The following CCDC197 variants were observed in gnomAD, a reference collection of about 807,000 sequenced individuals.
The protein encoded by CCDC197 is coiled-coil domain containing 197.
Under a neutral mutation model 13.4 loss-of-function variants are expected in CCDC197, and 24 were observed. The ratio of observed to expected loss-of-function variants is 1.80; its 90% CI spans 1.30 to 2.53. The LOEUF (loss-of-function observed/expected upper bound fraction) is 2.53. CCDC197 is among the 30% of genes most tolerant of loss of function. CCDC197 has a pLI of 0.00. For synonymous variants in CCDC197, 99 were observed against 55.5 expected (o/e 1.78, Z -3.48); for missense variants, 255 against 148.8 (o/e 1.71, Z -3.71).
chr14:93,994,256 T>G (rs921459104), upstream of CCDC197, among the ~76,000 whole-genome samples: 1 of 152,232 alleles, frequency 6.6e-6, no homozygotes, highest in Admixed American at 6.5e-5. Context: ...TTCTTAATAA[T>G]TTTTGTGCAA....
intron 1 of CCDC197, among the ~76,000 whole-genome samples, chr14:93,988,858 G>A (rs942924678): frequency 7.0e-6 from 1 of 143,352 alleles, no homozygotes; most frequent in African/African-American, 2.6e-5. Context: ...GATGGGAGGA[G>A]GGGATGGAAG....
Position 93,999,193 on chromosome 14 carries a change from G to A in CCDC197, c.105-390G>A, listed in dbSNP as rs549004012. On this transcript the variant is annotated intron_variant, in intron 2 of 6. Transcript: ENST00000636493. ...CATCCCTGCTGTAGATGGGCAACCC[G>A]GGCACAGAGAGGTGAAGCAGCTGGC... is the stretch of plus-strand genomic sequence containing the variant. The A allele has an allele frequency of 4.8e-4, 89 of 184,490 alleles. 1 individual carries two copies. In the Admixed American group the frequency reaches 5.1e-3, roughly 11 times the overall value. 11.4% of individuals were successfully genotyped at this position (184,490 alleles called of 1,614,324 possible). A position where few individuals can be genotyped will look rare whatever the true frequency, so the allele number is the denominator to read the frequency against.
At chr14:93,990,648 T>C (rs1021483578) in intron 1 of CCDC197, among the ~76,000 whole-genome samples, 3 of 152,134 alleles carry the variant, frequency 2.0e-5, no homozygotes, top group Admixed American at 2.0e-4. Context: ...TAGTGGACTG[T>C]GAGGGGGCAG....
chr14:93,987,518 G>C (rs770821890), intron 1 of CCDC197: 1 of 152,742 alleles, frequency 6.5e-6, no homozygotes, highest in Non-Finnish European at 1.5e-5. Context: ...CTGTCCATCT[G>C]TGTCTGGCCT....
intron 1 of CCDC197, among the ~76,000 whole-genome samples, chr14:93,988,904 G>C (rs974176072): frequency 1.3e-5 from 2 of 148,426 alleles, no homozygotes; most frequent in African/African-American, 5.0e-5. Flanking sequence ...GACGGGATGG[G>C]AGCAGGGATT....
At position 93,990,160 on chromosome 14, in the gene CCDC197, T is replaced by C. The variant is rs116550156; in HGVS notation, c.-107+2764T>C. Among the ~76,000 whole-genome samples the C allele has an allele frequency of 5.0e-3, 766 of 152,290 alleles. 5 individuals carry two copies. Among genetic ancestry groups the C allele is most frequent in the African/African-American group, 0.017 (719 of 41,538 alleles). Reference sequence around the variant, plus strand: ...ATCTTCCTAGTTCAAGGTCAATTGATTGGTAAACAACATCTGCAAAATCCC... The same window carrying C: ...ATCTTCCTAGTTCAAGGTCAATTGACTGGTAAACAACATCTGCAAAATCCC... On this transcript the variant is annotated intron_variant, in intron 1 of 7. Transcript: ENST00000640978.
At chr14:93,992,161 G>A in intron 1 of CCDC197, among the ~76,000 whole-genome samples, 1 of 152,204 alleles carries the variant, frequency 6.6e-6, no homozygotes, top group East Asian at 1.9e-4. Context: ...TTTTGGCAGG[G>A]AAATGCGGAG....
At chr14:93,988,001 T>A (rs1462424094) in intron 1 of CCDC197, among the ~76,000 whole-genome samples, 2 of 79,778 alleles carry the variant, frequency 2.5e-5, no homozygotes, top group African/African-American at 1.0e-4. Context: ...GTGGGGCATC[T>A]GGAAGGAGGA....
chr14:93,989,567 T>C (rs1198090176), intron 1 of CCDC197, among the ~76,000 whole-genome samples: 1 of 152,174 alleles, frequency 6.6e-6, no homozygotes, highest in Non-Finnish European at 1.5e-5. Flanking sequence ...GCAATGATTC[T>C]CCTGGCTTTG....
rs145027657 is a variant in CCDC197, at chr14:94,004,807, T to C, written c.499-48T>C. On this transcript the variant is annotated intron_variant, in intron 5 of 6. Transcript: ENST00000636493. The stretch of plus-strand genomic sequence containing the variant: ...AGTGAGCCAGGGCAGGGGCAGGGGA[T>C]GCTGGGAGAGAGCCTGAGCCACCAC... The C allele has an allele frequency of 3.2e-3, 2,229 of 695,614 alleles. 41 individuals carry two copies. In the African/African-American group the frequency reaches 0.034, roughly 11 times the overall value. 43.1% of individuals were successfully genotyped at this position (695,614 alleles called of 1,614,324 possible).
chr14:93,997,821 G>T (rs1489764514), intron 1 of CCDC197, among the ~76,000 whole-genome samples, 178 bp from the exon 2 acceptor site: 2 of 152,150 alleles, frequency 1.3e-5, no homozygotes, highest in African/African-American at 4.8e-5. Flanking sequence ...CCAGTTATAG[G>T]GCCGCAAGTG....
chr14:94,002,442 C>A (rs1384276463), intron 4 of CCDC197, among the ~76,000 whole-genome samples: 1 of 152,156 alleles, frequency 6.6e-6, no homozygotes, highest in African/African-American at 2.4e-5. Flanking sequence ...GCGTGTGCCA[C>A]CACACCTGGC....
At chr14:94,001,036 T>C in intron 3 of CCDC197, 109 bp from the exon 4 acceptor site, 1 of 616,554 alleles carries the variant, frequency 1.6e-6, no homozygotes, top group Non-Finnish European at 3.0e-6. Flanking sequence ...TGTCATGGAC[T>C]GTCTGGCACC....
chr14:94,002,778 A>G (rs1890560377), intron 4 of CCDC197, among the ~76,000 whole-genome samples: 2 of 149,212 alleles, frequency 1.3e-5, no homozygotes, highest in Non-Finnish European at 1.5e-5. Flanking sequence ...ACTTGAACCC[A>G]GGAGGCGGAG....
chr14:93,988,119 T>G, intron 1 of CCDC197, among the ~76,000 whole-genome samples: 3 of 49,330 alleles, frequency 6.1e-5, no homozygotes, highest in Non-Finnish European at 1.2e-4. Context: ...GGGGTGAAGG[T>G]CAGGGAGGAA....
At chr14:93,999,395 C>T (rs1890420297) in intron 2 of CCDC197, 188 bp from the exon 3 acceptor site, 1 of 574,958 alleles carries the variant, frequency 1.7e-6, no homozygotes, top group African/African-American at 1.9e-5. Flanking sequence ...CTGCTTGTGG[C>T]TCAGTTTGCT....
chr14:94,007,782 G>A (rs951143220), intron 6 of CCDC197, among the ~76,000 whole-genome samples: 14 of 152,142 alleles, frequency 9.2e-5, no homozygotes, highest in South Asian at 6.2e-4. Flanking sequence ...GGCAGGTTCC[G>A]TGCAGATATC....
chr14:93,992,394 G>C (rs1176429638), upstream of CCDC197, among the ~76,000 whole-genome samples: 1 of 152,188 alleles, frequency 6.6e-6, no homozygotes, highest in Non-Finnish European at 1.5e-5. Flanking sequence ...GAGGTGACAA[G>C]GTGGCATGGA....
upstream of CCDC197, among the ~76,000 whole-genome samples, chr14:93,995,205 T>C (rs1337268974): frequency 6.6e-6 from 1 of 152,134 alleles, no homozygotes; most frequent in Non-Finnish European, 1.5e-5. Flanking sequence ...TGGGCAGAGA[T>C]GATGATGAAG....
Sources: allele counts gnomAD v4.1 joint callset (sites outside exome capture counted in the v4.1 genomes callset), GRCh38; gene constraint gnomAD v4.1.1; transcripts MANE v1.5; gene names NCBI Gene and HGNC (gene_info 2026-07-23, HGNC 2026-07-21).